SPECC1: variants seen among roughly 807,000 people sequenced by gnomAD.
SPECC1 encodes cytospin-B.
In SPECC1, 62 loss-of-function variants were observed where a neutral mutation model predicts 104.1. That is an observed-to-expected ratio of 0.60 (90% CI 0.49 to 0.74). The LOEUF is 0.74. Among genes scored for constraint, SPECC1 ranks in the 30% least tolerant of loss-of-function variants. The probability of loss-of-function intolerance (pLI) is 0.00; values close to 1 mark genes in which losing one functional copy is unlikely to be tolerated. For missense variants in SPECC1, 1,306 were observed against 1,310.5 expected (o/e 1.00, Z 0.05); for synonymous variants, 513 against 501.6 (o/e 1.02, Z -0.30).
At chr17:20,216,571 T>A (rs560325719) in intron 4 of SPECC1, among the ~76,000 whole-genome samples, 1 of 152,238 alleles carries the variant, frequency 6.6e-6, no homozygotes, top group South Asian at 2.1e-4. Context: ...TAGAGGGGTC[T>A]GACTTCAGAG....
At chr17:20,217,204 AT>A in intron 4 of SPECC1, among the ~76,000 whole-genome samples, 1 of 151,476 alleles carries the variant, frequency 6.6e-6, no homozygotes, top group East Asian at 1.9e-4. Context: ...TCTGCCTGTT[AT>A]TATGTAGCAA....
At chr17:20,144,170 CTTTTCTTTTTTT>C (rs1245728155) in intron 3 of SPECC1, among the ~76,000 whole-genome samples, 1 of 83,634 alleles carries the variant, frequency 1.2e-5, no homozygotes, top group Non-Finnish European at 2.6e-5. Flanking sequence ...CTGTTTTTTT[CTTTTCTTTTTTT>C]TTTTTTTTTT....
rs1362439935 is a variant in SPECC1 at position 20,177,857 on chromosome 17, G to C, written c.284-26476G>C. 2.6e-5 allele frequency among the ~76,000 whole-genome samples: 4 copies of C among 151,960 alleles called. No individual in the cohort carries two copies. The East Asian group carries it at 7.7e-4, about 29-fold the overall frequency. ...CCCGAGTAGCTGGGCCCACAGGCAT[G>C]TGCCACCACGCCCGGCTAATTTTTG... On this transcript the variant is annotated intron_variant, in intron 3 of 14. Coordinates refer to ENST00000395527, the MANE Select transcript of SPECC1 (RefSeq NM_001243439.2).
At chr17:20,231,534 A>C (rs756608752) in intron 5 of SPECC1, among the ~76,000 whole-genome samples, 1 of 152,208 alleles carries the variant, frequency 6.6e-6, no homozygotes, top group Non-Finnish European at 1.5e-5. Context: ...TACACATCAC[A>C]TATTTTCCAG....
At chr17:20,127,603 C>A (rs2049385459) in intron 3 of SPECC1, among the ~76,000 whole-genome samples, 2 of 152,136 alleles carry the variant, frequency 1.3e-5, no homozygotes, top group African/African-American at 4.8e-5. Context: ...CCACAGCGCC[C>A]AGCCAGGTCA....
chr17:20,258,170 C>T (rs1366582000), intron 11 of SPECC1, among the ~76,000 whole-genome samples: 7 of 152,104 alleles, frequency 4.6e-5, no homozygotes, highest in South Asian at 2.1e-4. Flanking sequence ...GATTTTGTTT[C>T]GGATTTTGAG....
rs1296750957 is a variant in SPECC1 at position 20,156,710 on chromosome 17, C to T, written c.283+46148C>T. 2.6e-5 allele frequency among the ~76,000 whole-genome samples: 4 copies of T among 152,180 alleles called. No homozygotes were observed. The East Asian group carries it at 7.7e-4, about 29-fold the overall frequency. The stretch of plus-strand genomic sequence containing the variant: ...TGTTCCTAACCCAGAATAGTCCGTG[C>T]TTGTTCTGGGGTGTCGGGCGCGCCT... On this transcript the variant is annotated intron_variant, in intron 3 of 14. Coordinates refer to ENST00000395527, the MANE Select transcript of SPECC1 (RefSeq NM_001243439.2).
intron 2 of SPECC1, among the ~76,000 whole-genome samples, chr17:20,104,811 A>T (rs2048119642): frequency 6.6e-6 from 1 of 151,438 alleles, no homozygotes; most frequent in South Asian, 2.1e-4. Flanking sequence ...GAGCTACCAG[A>T]TCCAAACCTT....
intron 1 of SPECC1, among the ~76,000 whole-genome samples, chr17:20,037,887 T>G (rs1176938508): frequency 6.6e-6 from 1 of 152,158 alleles, no homozygotes; most frequent in Non-Finnish European, 1.5e-5. Flanking sequence ...TTATAAAATA[T>G]TAAGTTTAAT....
At chr17:20,156,148 A>G in intron 3 of SPECC1, 1 of 1,428,708 alleles carries the variant, frequency 7.0e-7, no homozygotes, top group East Asian at 3.0e-5. Flanking sequence ...GGCACGGTGG[A>G]CACCCGGTCC....
chr17:20,232,595 A>G (rs1477457029), intron 7 of SPECC1, 190 bp downstream of exon 7: 11 of 673,014 alleles, frequency 1.6e-5, no homozygotes, highest in East Asian at 8.2e-5. Context: ...ATGCTGCAGC[A>G]TAAGAGGCTG....
At chr17:20,146,327 C>G (rs1457348249) in intron 3 of SPECC1, among the ~76,000 whole-genome samples, 1 of 152,116 alleles carries the variant, frequency 6.6e-6, no homozygotes, top group Non-Finnish European at 1.5e-5. Flanking sequence ...CCTTTTCAGA[C>G]CGGCTTCTTT....
chr17:20,252,739 A>G (rs1293326906), intron 9 of SPECC1, among the ~76,000 whole-genome samples: 1 of 152,196 alleles, frequency 6.6e-6, no homozygotes. Context: ...TGTATATTCT[A>G]TACCACATTT....
intron 3 of SPECC1, chr17:20,112,867 T>G: frequency 3.1e-6 from 5 of 1,590,876 alleles, no homozygotes; most frequent in Non-Finnish European, 4.3e-6. Flanking sequence ...CAGGAACTGA[T>G]TTAGAGAATT....
At chr17:20,287,156 G>A (rs1311665616) in intron 12 of SPECC1, among the ~76,000 whole-genome samples, 2 of 152,154 alleles carry the variant, frequency 1.3e-5, no homozygotes, top group African/African-American at 2.4e-5. Flanking sequence ...GGGTGCTCAC[G>A]CCTGTAATCC....
At chr17:20,017,992 G>A (rs974984216) in intron 1 of SPECC1, 3 of 152,502 alleles carry the variant, frequency 2.0e-5, no homozygotes, top group Admixed American at 6.5e-5. Flanking sequence ...ACTAGGCGTA[G>A]CGTGCCTCCT....
rs535774137 is a variant in SPECC1 at position 20,139,640 on chromosome 17, G to T, written c.283+29078G>T. ...ACTTCCTTTCTCTCAACATGTAATT[G>T]TCATCTACAGTTGCATCTTACACTT... On this transcript the variant is annotated intron_variant, in intron 3 of 14. Coordinates refer to ENST00000395527, the MANE Select transcript of SPECC1 (RefSeq NM_001243439.2). Among the ~76,000 whole-genome samples the T allele has an allele frequency of 2.0e-5, 3 of 152,112 alleles. No individual in the cohort carries two copies. In the South Asian group the frequency reaches 6.3e-4, roughly 32 times the overall value.
chr17:20,021,983 C>T lies in SPECC1; in HGVS notation c.-22+12559C>T, dbSNP rs563538480. On this transcript the variant is annotated intron_variant, in intron 1 of 14. Coordinates refer to ENST00000395527, the MANE Select transcript of SPECC1 (RefSeq NM_001243439.2). ...TTGAGATGGAGTTTCACTCAGTCGC[C>T]CAGGCTGGAGTGCAGTGGCATGGTC... Among the ~76,000 whole-genome samples, 7 of 151,456 alleles carry T rather than the reference C, an allele frequency of 4.6e-5. No individual in the cohort carries two copies. In the South Asian group the frequency reaches 1.0e-3, roughly 23 times the overall value.
rs2047677985 is a variant in SPECC1, at chr17:20,096,953, GAATAGA to G, written c.147+156_147+161del. ...AGGACCAGCATGCCTGGACATGAAG[GAATAGA>G]GCTAGCGGGTGGGAGTGGGGGCCCT... is the stretch of plus-strand genomic sequence containing the variant. On this transcript the variant is annotated intron_variant, in intron 2 of 14. Coordinates refer to ENST00000395527, the MANE Select transcript of SPECC1 (RefSeq NM_001243439.2). Among the ~76,000 whole-genome samples the G allele has an allele frequency of 3.3e-5, 5 of 152,310 alleles. No individual in the cohort carries two copies. In the East Asian group the frequency reaches 9.6e-4, roughly 29 times the overall value.
Sources: allele counts gnomAD v4.1 joint callset (sites outside exome capture counted in the v4.1 genomes callset), GRCh38; gene constraint gnomAD v4.1.1; transcripts MANE v1.5; gene names NCBI Gene and HGNC (gene_info 2026-07-23, HGNC 2026-07-21).